The following ASCC3 variants were observed in gnomAD, a reference collection of about 807,000 sequenced individuals.
The protein encoded by ASCC3 is activating signal cointegrator 1 complex subunit 3, also known as ASC-1 complex subunit P200.
Under a neutral mutation model 256.3 loss-of-function variants are expected in ASCC3, and 158 were observed. That is an observed-to-expected ratio of 0.62 (90% CI 0.54 to 0.70). The LOEUF is 0.70. Ranked by LOEUF, ASCC3 falls within the 30% of genes least tolerant of loss-of-function variation. The probability of loss-of-function intolerance (pLI) is 0.00; values close to 1 mark genes in which losing one functional copy is unlikely to be tolerated. For synonymous variants in ASCC3, 948 were observed against 883.4 expected (o/e 1.07, Z -1.30); for missense variants, 2,259 against 2,626.0 (o/e 0.86, Z 3.05).
chr6:100,687,118 T>A (rs1777612811), intron 13 of ASCC3, among the ~76,000 whole-genome samples: 1 of 149,876 alleles, frequency 6.7e-6, no homozygotes, highest in Admixed American at 6.7e-5. Flanking sequence ...TACTGCTAAG[T>A]GAAAAAATAT....
chr6:100,517,402 A>C (rs1310150254), intron 38 of ASCC3, among the ~76,000 whole-genome samples: 1 of 152,164 alleles, frequency 6.6e-6, no homozygotes, highest in Non-Finnish European at 1.5e-5. Flanking sequence ...GTGTGAAAGA[A>C]ACATTTCCAA....
intron 36 of ASCC3, among the ~76,000 whole-genome samples, chr6:100,549,503 C>T (rs1769183504): frequency 6.6e-6 from 1 of 151,736 alleles, no homozygotes; most frequent in South Asian, 2.1e-4. Flanking sequence ...TCTTTGAAGT[C>T]ATTTGCCAAA....
chr6:100,605,942 C>T (rs1370898640), intron 32 of ASCC3, among the ~76,000 whole-genome samples: 1 of 151,870 alleles, frequency 6.6e-6, no homozygotes, highest in African/African-American at 2.4e-5. Flanking sequence ...AAGGGTCTTT[C>T]TTAACATTTA....
intron 24 of ASCC3, among the ~76,000 whole-genome samples, chr6:100,641,023 G>A (rs919224294): frequency 6.6e-6 from 1 of 151,894 alleles, no homozygotes; most frequent in Non-Finnish European, 1.5e-5. Context: ...ATAAATTAAG[G>A]CCCTCTTAAA....
chr6:100,659,298 T>C (rs1041626670), intron 16 of ASCC3, among the ~76,000 whole-genome samples: 4 of 151,598 alleles, frequency 2.6e-5, no homozygotes, highest in African/African-American at 9.6e-5. Flanking sequence ...TAAACCAATT[T>C]CACACTTGAT....
At chr6:100,859,127 C>G in intron 3 of ASCC3, 1 of 779,978 alleles carries the variant, frequency 1.3e-6, no homozygotes, top group Non-Finnish European at 2.4e-6. Flanking sequence ...TCCTCTGAAT[C>G]TGTCAGAAGC....
intron 36 of ASCC3, among the ~76,000 whole-genome samples, chr6:100,576,946 A>T (rs1770898817): frequency 6.6e-6 from 1 of 151,832 alleles, no homozygotes; most frequent in East Asian, 1.9e-4. Flanking sequence ...TTTCCTTCTC[A>T]CTGTTGACTG....
intron 4 of ASCC3, among the ~76,000 whole-genome samples, chr6:100,829,029 C>G (rs1771479614): frequency 6.6e-6 from 1 of 152,134 alleles, no homozygotes; most frequent in Non-Finnish European, 1.5e-5. Flanking sequence ...TAGCTAGATA[C>G]AGAGTGTCCA....
At chr6:100,535,641 G>T (rs1260788903) in intron 37 of ASCC3, among the ~76,000 whole-genome samples, 1 of 151,846 alleles carries the variant, frequency 6.6e-6, no homozygotes, top group African/African-American at 2.4e-5. Context: ...GCTAATTCTT[G>T]TATTTTTAGT....
chr6:100,827,076 T>A (rs1026448354), intron 4 of ASCC3, among the ~76,000 whole-genome samples: 3 of 152,216 alleles, frequency 2.0e-5, no homozygotes, highest in Admixed American at 2.0e-4. Flanking sequence ...TGGATTCTAC[T>A]GTAAAATGGT....
intron 11 of ASCC3, among the ~76,000 whole-genome samples, chr6:100,719,711 T>G (rs1779234530): frequency 6.6e-6 from 1 of 151,920 alleles, no homozygotes; most frequent in Admixed American, 6.6e-5. Context: ...CTATTTACCT[T>G]AAAAGTATTA....
At chr6:100,568,783 AT>A (rs1770417602) in intron 36 of ASCC3, among the ~76,000 whole-genome samples, 2 of 141,252 alleles carry the variant, frequency 1.4e-5, no homozygotes, top group South Asian at 4.2e-4. Context: ...TATTATTATT[AT>A]TATTATTTTT....
chr6:100,593,963 T>G (rs1376401096), intron 34 of ASCC3, among the ~76,000 whole-genome samples: 1 of 152,114 alleles, frequency 6.6e-6, no homozygotes, highest in Non-Finnish European at 1.5e-5. Flanking sequence ...TGTATATATA[T>G]GTGTTTACAT....
At chr6:100,588,261 A>T (rs1771809721) in intron 36 of ASCC3, among the ~76,000 whole-genome samples, 1 of 152,212 alleles carries the variant, frequency 6.6e-6, no homozygotes, top group Non-Finnish European at 1.5e-5. Flanking sequence ...CAAAGGTGTT[A>T]GCTGTTATCA....
intron 24 of ASCC3, among the ~76,000 whole-genome samples, chr6:100,639,229 C>CT (rs1774994083): frequency 6.6e-6 from 1 of 152,224 alleles, no homozygotes; most frequent in South Asian, 2.1e-4. Context: ...CTGTTAGACA[C>CT]TGACCAAGCA....
Position 100,858,954 on chromosome 6 carries a change from T to C in ASCC3, c.241+5110A>G, listed in dbSNP as rs935874882. The C allele has an allele frequency of 1.3e-5, 8 of 634,436 alleles. No homozygotes were observed. The African/African-American group carries it at 1.5e-4, about 12-fold the overall frequency. The allele number at this position is 634,436 out of a possible 1,614,324, so 39.3% of individuals were successfully genotyped here. On this transcript the variant is annotated intron_variant, in intron 3 of 41. Coordinates refer to ENST00000369162, the MANE Select transcript of ASCC3 (RefSeq NM_006828.4). Reference sequence around the variant, plus strand: ...CTTTTAATCTACAATAGTACTCTCATACCTTTTTAAATGACATTATGACAT... The same window carrying C: ...CTTTTAATCTACAATAGTACTCTCACACCTTTTTAAATGACATTATGACAT...
rs184827983 is a variant in ASCC3, at chr6:100,532,361, T to C, written c.5775+7802A>G. 6.8e-3 allele frequency among the ~76,000 whole-genome samples: 926 copies of C among 137,064 alleles called. 13 individuals carry two copies. The highest frequency in any genetic ancestry group is 0.025 in the African/African-American group (890 of 35,098). 89.9% of individuals were successfully genotyped at this position (137,064 alleles called of 152,430 possible). On this transcript the variant is annotated intron_variant, in intron 37 of 41. Transcript: ENST00000369162. Reference sequence around the variant, plus strand: ...GTGTGTGTGTGTGTGTGTGTGTGTGTGTGTGTGTGTATGTGTGTATATATA... The same window carrying C: ...GTGTGTGTGTGTGTGTGTGTGTGTGCGTGTGTGTGTATGTGTGTATATATA...
At chr6:100,774,591 T>C (rs1014926076) in intron 8 of ASCC3, among the ~76,000 whole-genome samples, 2 of 152,120 alleles carry the variant, frequency 1.3e-5, no homozygotes, top group African/African-American at 4.8e-5. Context: ...GGTCTCGATT[T>C]TCTGACCTCG....
rs1225868082 is a variant in ASCC3, at chr6:100,767,906, G to A, written c.1396-561C>T. Among the ~76,000 whole-genome samples the A allele has an allele frequency of 5.3e-5, 8 of 151,968 alleles. No individual in the cohort carries two copies. In the South Asian group the frequency reaches 8.3e-4, roughly 16 times the overall value. Reference sequence around the variant, plus strand: ...GCTGGGATTACAGGCGTGAGCCACCGCACCCGGCCAGAATACAATTCTTAA... The same window carrying A: ...GCTGGGATTACAGGCGTGAGCCACCACACCCGGCCAGAATACAATTCTTAA... On this transcript the variant is annotated intron_variant, in intron 8 of 41. Transcript: ENST00000369162.
Sources: gnomAD v4.1 joint callset for allele counts (sites outside exome capture counted in the v4.1 genomes callset) on GRCh38, gnomAD v4.1.1 for gene constraint, MANE v1.5 for transcripts, NCBI Gene and HGNC (gene_info 2026-07-23, HGNC 2026-07-21) for gene names.